RUNX1: variants seen among roughly 807,000 people sequenced by gnomAD.
The protein encoded by RUNX1 is RUNX family transcription factor 1, also known as runt-related transcription factor 1.
In RUNX1, 19 loss-of-function variants were observed where a neutral mutation model predicts 42.8. The observed-to-expected ratio is 0.44, with a 90% CI of 0.31 to 0.65. RUNX1 has a LOEUF of 0.65. Among genes scored for constraint, RUNX1 ranks in the 30% least tolerant of loss-of-function variants. The pLI is 0.07. For synonymous variants in RUNX1, 271 were observed against 289.4 expected, an observed-to-expected ratio of 0.94 and a Z score of 0.64; for missense variants, 528 against 672.0, an observed-to-expected ratio of 0.79 and a Z score of 2.37.
At chr21:34,980,641 C>T (rs2058839989) in intron 2 of RUNX1, among the ~76,000 whole-genome samples, 1 of 152,116 alleles carries the variant, frequency 6.6e-6, no homozygotes, top group Non-Finnish European at 1.5e-5. Flanking sequence ...AACAGTTTTC[C>T]CCATTACTGA....
intron 2 of RUNX1, among the ~76,000 whole-genome samples, chr21:34,950,200 T>TAGCTACATTGTTACAC (rs1301282673): frequency 6.6e-6 from 1 of 152,226 alleles, no homozygotes; most frequent in African/African-American, 2.4e-5. Flanking sequence ...GTTATAGGTA[T>TAGCTACATTGTTACAC]AGCTACATTG....
intron 2 of RUNX1, among the ~76,000 whole-genome samples, chr21:34,978,937 T>TACAC (rs10673190): frequency 0.11 from 14,333 of 133,990 alleles, 843 homozygotes; most frequent in Admixed American, 0.11. Flanking sequence ...CACACACAGA[T>TACAC]ACACACACAC....
rs200907577 is a variant in RUNX1, at chr21:34,880,573, G to C, written c.492C>G (p.Val164=). The C allele has an allele frequency of 6.2e-7, 1 of 1,614,034 alleles. No individual in the cohort carries two copies. The change falls in exon 5 of 9, where the codon GTC becomes GTG. Residue 164 remains valine, a synonymous_variant. Transcript: ENST00000675419. Reference sequence around the variant, plus strand: ...ATAACGTACCTCTTCCACTTCGACCGACAAACCTGAGGTCATTAAATCTTG... The same window carrying C: ...ATAACGTACCTCTTCCACTTCGACCCACAAACCTGAGGTCATTAAATCTTG... ...QVARFNDLRF[V]GRSGRGKSFT... is the part of the protein sequence containing the mutation.
chr21:34,855,352 T>C (rs1184443588), intron 6 of RUNX1, among the ~76,000 whole-genome samples: 1 of 152,178 alleles, frequency 6.6e-6, no homozygotes, highest in African/African-American at 2.4e-5. Context: ...AATTACAGAT[T>C]TGTGAGCTGA....
At chr21:35,035,233 C>G (rs73203055) in intron 2 of RUNX1, among the ~76,000 whole-genome samples, 8,354 of 152,288 alleles carry the variant, frequency 0.055, 307 homozygotes, top group Non-Finnish European at 0.07. Flanking sequence ...GGGTAATCAT[C>G]ATCGTCACAC....
At chr21:35,000,950 T>C (rs1258010044) in intron 2 of RUNX1, among the ~76,000 whole-genome samples, 1 of 152,202 alleles carries the variant, frequency 6.6e-6, no homozygotes, top group African/African-American at 2.4e-5. Context: ...CGAATGTCTC[T>C]AGATCCAGAC....
chr21:35,046,705 A>T (rs1250335497), intron 2 of RUNX1, among the ~76,000 whole-genome samples: 1 of 152,192 alleles, frequency 6.6e-6, no homozygotes, highest in Non-Finnish European at 1.5e-5. Flanking sequence ...CTTTATGTTG[A>T]TGGATCACTT....
At chr21:34,976,350 C>G (rs1274199519) in intron 2 of RUNX1, among the ~76,000 whole-genome samples, 1 of 152,072 alleles carries the variant, frequency 6.6e-6, no homozygotes, top group Admixed American at 6.6e-5. Flanking sequence ...ACTATCCTTC[C>G]AGGAGAAAAA....
In RUNX1 at chr21:34,792,309, G is replaced by GGGGGCCCC; in HGVS notation, c.1268_1269insGGGGCCCC (p.Ser424GlyfsTer173). 1 of 1,542,472 alleles carries GGGGGCCCC rather than the reference G, an allele frequency of 6.5e-7. No homozygotes were observed. Among genetic ancestry groups the GGGGGCCCC allele is most frequent in the Non-Finnish European group, 8.7e-7 (1 of 1,145,394 alleles). On this transcript the variant is annotated frameshift_variant, in exon 9 of 9. Coordinates refer to ENST00000675419, the MANE Select transcript of RUNX1 (RefSeq NM_001754.5). LOFTEE classifies it high-confidence loss of function. The surrounding 1 kb of genome is among the most constrained non-coding windows in gnomAD (Gnocchi z 6.9). ...AGGGCGGCAGGATGCGCGGCGGCGAGCGCTCGCCGCCCACCATGGAGAACT... is the reference window on the plus strand; with the variant it reads ...AGGGCGGCAGGATGCGCGGCGGCGAGGGGGCCCCCGCTCGCCGCCCACCATGGAGAACT...
chr21:35,034,101 TCAAAAC>T (rs938770162), intron 2 of RUNX1, among the ~76,000 whole-genome samples: 5 of 152,178 alleles, frequency 3.3e-5, no homozygotes, highest in African/African-American at 9.7e-5. Flanking sequence ...CACCCAGACT[TCAAAAC>T]CAGACTAGGA....
intron 2 of RUNX1, among the ~76,000 whole-genome samples, chr21:34,908,354 G>A (rs142588019): frequency 6.6e-6 from 1 of 152,158 alleles, no homozygotes; most frequent in African/African-American, 2.4e-5. Context: ...AGGAAGAAGA[G>A]ACAATGTTTC....
rs1023364590 is a variant in RUNX1, at chr21:34,907,373, G to T, written c.59-14410C>A. The stretch of plus-strand genomic sequence containing the variant: ...TAATAATAATAATAACAAAAGCAAG[G>T]TAAGAAGAAGAAATAGAACAGAATA... On this transcript the variant is annotated intron_variant, in intron 2 of 8. Transcript: ENST00000675419. The surrounding 1 kb of genome is among the most constrained non-coding windows in gnomAD (Gnocchi z 5.3). Among the ~76,000 whole-genome samples the T allele has an allele frequency of 6.6e-6, 1 of 152,132 alleles. No individual in the cohort carries two copies. The highest frequency in any genetic ancestry group is 1.5e-5 in the Non-Finnish European group (1 of 68,018).
At chr21:34,947,811 G>A (rs1367142753) in intron 2 of RUNX1, among the ~76,000 whole-genome samples, 1 of 152,122 alleles carries the variant, frequency 6.6e-6, no homozygotes, top group Non-Finnish European at 1.5e-5. Context: ...CCAAACTTTC[G>A]CCAAAGTGTT....
intron 2 of RUNX1, among the ~76,000 whole-genome samples, chr21:35,005,771 C>T (rs758691105): frequency 2.6e-5 from 4 of 152,192 alleles, no homozygotes; most frequent in Non-Finnish European, 5.9e-5. Context: ...GTCTCCTCCC[C>T]TCCATCTCTT....
chr21:34,897,552 A>C (rs1052413746), intron 2 of RUNX1, among the ~76,000 whole-genome samples: 2 of 152,186 alleles, frequency 1.3e-5, no homozygotes, highest in African/African-American at 4.8e-5. Context: ...TGTGACTTGA[A>C]TTATAATATA....
chr21:34,967,267 C>T (rs182219784), intron 2 of RUNX1, among the ~76,000 whole-genome samples: 1 of 124,278 alleles, frequency 8.0e-6, no homozygotes, highest in African/African-American at 3.2e-5. Flanking sequence ...TTGCAGTGAG[C>T]CAAAATCGCA....
chr21:34,788,070 C>A lies in RUNX1; in HGVS notation c.*4065G>T. 4.3e-6 allele frequency: 1 copy of A among 233,298 alleles called. No individual in the cohort carries two copies. Among genetic ancestry groups the A allele is most frequent in the Non-Finnish European group, 8.5e-6 (1 of 118,062 alleles). The allele number at this position is 233,298 out of a possible 1,614,324, so 14.5% of individuals were successfully genotyped here. Reference sequence around the variant, plus strand: ...CTTGGAGAGAGGGTTCTGGGATATTCTCTCATGTCATCTGGCTGAAGACAC... The same window carrying A: ...CTTGGAGAGAGGGTTCTGGGATATTATCTCATGTCATCTGGCTGAAGACAC... On this transcript the variant is annotated 3_prime_UTR_variant, in exon 9 of 9. Coordinates refer to ENST00000675419, the MANE Select transcript of RUNX1 (RefSeq NM_001754.5).
At chr21:34,990,473 C>G (rs183180662) in intron 2 of RUNX1, among the ~76,000 whole-genome samples, 4 of 151,984 alleles carry the variant, frequency 2.6e-5, no homozygotes, top group Non-Finnish European at 5.9e-5. Context: ...GAAAAATGAG[C>G]CAGTGCAATA....
chr21:35,039,031 C>T (rs956832168), intron 2 of RUNX1, among the ~76,000 whole-genome samples: 5 of 152,132 alleles, frequency 3.3e-5, no homozygotes, highest in East Asian at 3.8e-4. Context: ...CAGCAGGGGC[C>T]GGTTACTCCT....
Sources: gnomAD v4.1 joint callset for allele counts (sites outside exome capture counted in the v4.1 genomes callset) on GRCh38, gnomAD v4.1.1 for gene constraint, Gnocchi (gnomAD v3.1) non-coding constraint, MANE v1.5 for transcripts, NCBI Gene and HGNC (gene_info 2026-07-23, HGNC 2026-07-21) for gene names.